CNTRL: variants seen among roughly 807,000 people sequenced by gnomAD.
CNTRL encodes 110 kDa centrosomal protein.
A neutral mutation model predicts 303.7 loss-of-function variants in CNTRL; 233 were observed. The ratio of observed to expected loss-of-function variants is 0.77; its 90% CI spans 0.69 to 0.86. CNTRL has a LOEUF of 0.86. Among genes scored for constraint, CNTRL ranks in the 40% least tolerant of loss-of-function variants. The probability of loss-of-function intolerance (pLI) is 0.00; values close to 1 mark genes in which losing one functional copy is unlikely to be tolerated. For missense variants in CNTRL, 2,524 were observed against 2,650.6 expected, an observed-to-expected ratio of 0.95 and a Z score of 1.05; for synonymous variants, 900 against 922.2, an observed-to-expected ratio of 0.98 and a Z score of 0.44.
At chr9:121,095,999 G>T (rs2048875880) in intron 5 of CNTRL, among the ~76,000 whole-genome samples, 1 of 152,072 alleles carries the variant, frequency 6.6e-6, no homozygotes, top group Non-Finnish European at 1.5e-5. Context: ...TATCCTGCTG[G>T]CATAGCTAAT....
At chr9:121,163,899 C>T (rs2052973599) in intron 34 of CNTRL, among the ~76,000 whole-genome samples, 1 of 146,000 alleles carries the variant, frequency 6.8e-6, no homozygotes, top group Non-Finnish European at 1.5e-5. Context: ...GAGCCTCGCT[C>T]TGTTGCCCAG....
chr9:121,154,770 G>C lies in CNTRL; in HGVS notation c.4222G>C (p.Glu1408Gln). 1.2e-6 allele frequency: 2 copies of C among 1,611,682 alleles called. No individual in the cohort carries two copies. Among genetic ancestry groups the C allele is most frequent in the South Asian group, 1.1e-5 (1 of 90,998 alleles). The change falls in exon 27 of 44, where the codon GAA becomes CAA. Residue 1408 changes from glutamate to glutamine, a missense_variant. Coordinates refer to ENST00000373855, the MANE Select transcript of CNTRL (RefSeq NM_007018.6). ...VESLMTELEI[E>Q]KSLKHHEDIV... is the part of the protein sequence containing the mutation. ...GAGTCTTATGACTGAACTAGAAATA[G>C]AAAAATCACTCAAACATCATGAAGA...
chr9:121,109,786 C>G (rs2049663384), intron 8 of CNTRL, among the ~76,000 whole-genome samples: 1 of 152,086 alleles, frequency 6.6e-6, no homozygotes, highest in East Asian at 1.9e-4. Flanking sequence ...TGAATTTGTA[C>G]ATATGGTAGA....
chr9:121,144,622 A>C (rs752266688), intron 20 of CNTRL, among the ~76,000 whole-genome samples: 1 of 152,206 alleles, frequency 6.6e-6, no homozygotes, highest in Non-Finnish European at 1.5e-5. Flanking sequence ...AAAGTAAAAA[A>C]ATTAGCCTTT....
intron 4 of CNTRL, among the ~76,000 whole-genome samples, chr9:121,091,897 T>C (rs1338690449): frequency 6.9e-6 from 1 of 145,662 alleles, no homozygotes; most frequent in African/African-American, 2.5e-5. Flanking sequence ...TTTTTTTTTT[T>C]TTTTTTTTTG....
chr9:121,091,884 CTTTTTTTTTTTT>C (rs148922615), intron 4 of CNTRL, among the ~76,000 whole-genome samples: 1 of 74,962 alleles, frequency 1.3e-5, no homozygotes, highest in East Asian at 3.4e-4. Flanking sequence ...GAGGTCTTCT[CTTTTTTTTTTTT>C]TTTTTTTTTT....
At chr9:121,089,843 T>C (rs1310279366) in intron 3 of CNTRL, among the ~76,000 whole-genome samples, 1 of 152,098 alleles carries the variant, frequency 6.6e-6, no homozygotes, top group Admixed American at 6.5e-5. Context: ...TTTTAGTAAG[T>C]GATGATATTA....
Position 121,152,578 on chromosome 9 carries a change from G to A in CNTRL, c.4057G>A (p.Glu1353Lys). ...GATGAGAGCATCCAAGCGGCAGTCG[G>A]AGAAAGAAATGGAAGAACTGCATCA... is the stretch of plus-strand genomic sequence containing the variant. Reference protein sequence around the residue: ...RWMRASKRQSEKEMEELHHNI... With the variant: ...RWMRASKRQSKKEMEELHHNI... Residue 1353 changes from glutamate (E) to lysine (K), a missense_variant, in exon 26 of 44, where the codon GAG (glutamate) becomes AAG (lysine). Coordinates refer to ENST00000373855, the MANE Select transcript of CNTRL (RefSeq NM_007018.6). 1.9e-6 allele frequency: 3 copies of A among 1,614,112 alleles called. No individual in the cohort carries two copies. The highest frequency in any genetic ancestry group is 2.5e-6 in the Non-Finnish European group (3 of 1,179,988).
rs1291788166 is a variant in CNTRL at position 121,143,414 on chromosome 9, G to A, written c.2872-489G>A. Among the ~76,000 whole-genome samples, 3 of 152,152 alleles carry A rather than the reference G, an allele frequency of 2.0e-5. No individual in the cohort carries two copies. The East Asian group carries it at 5.8e-4, about 29-fold the overall frequency. On this transcript the variant is annotated intron_variant, in intron 19 of 43. Transcript: ENST00000373855. Reference sequence around the variant, plus strand: ...CCAGAGCAGCCAAGATGCTCTTTCTGAAATGTCAAGTGGCTGTAATCAGTC... The same window carrying A: ...CCAGAGCAGCCAAGATGCTCTTTCTAAAATGTCAAGTGGCTGTAATCAGTC...
Position 121,113,727 on chromosome 9 carries a change from T to C in CNTRL, c.1345+3T>C. ...CAAAGAAAAAAAAATAAGTGCAGGT[T>C]AAAAAAAGTTATTTTAAATTCTTTA... On this transcript the variant is annotated splice_donor_region_variant and intron_variant, in intron 10 of 43. Transcript: ENST00000373855. The C allele has an allele frequency of 6.7e-7, 1 of 1,501,108 alleles. No homozygotes were observed. The highest frequency in any genetic ancestry group is 1.4e-5 in the South Asian group (1 of 74,024). The allele number at this position is 1,501,108 out of a possible 1,614,324, so 93.0% of individuals were successfully genotyped here. A position where few individuals can be genotyped will look rare whatever the true frequency, so the allele number is the denominator to read the frequency against.
chr9:121,125,880 G>C lies in CNTRL; in HGVS notation c.1969G>C (p.Glu657Gln), dbSNP rs370195351. ...ETLLQRLTEVEQERDQLEIVA... is the reference protein window; with the variant it reads ...ETLLQRLTEVQQERDQLEIVA... ...ATTGTTGCAGAGATTGACAGAAGTC[G>C]AGCAGGAGAGAGACCAGCTGGAAAT... The change falls in exon 14 of 44, where the codon GAG (glutamate) becomes CAG (glutamine). Residue 657 changes from glutamate to glutamine, a missense_variant. By Grantham distance (29) the Glu-to-Gln change is conservative. Coordinates refer to ENST00000373855, the MANE Select transcript of CNTRL (RefSeq NM_007018.6). 7 of 1,614,092 alleles carry C rather than the reference G, an allele frequency of 4.3e-6. No individual in the cohort carries two copies. The highest frequency in any genetic ancestry group is 1.7e-5 in the Admixed American group (1 of 60,010).
In CNTRL at chr9:121,164,982, A is replaced by G. The variant is rs1394063791; in HGVS notation, c.5463A>G (p.Gln1821=). The G allele has an allele frequency of 6.2e-7, 1 of 1,613,046 alleles. No homozygotes were observed. The highest frequency in any genetic ancestry group is 1.7e-5 in the Admixed American group (1 of 59,732). ...CAGAAGAAAATAGCAAAATGGAGCA[A>G]TCAAACTTAGAAAAGTTGGAATTGA... ...AAAEENSKME[Q]SNLEKLELNV... The change falls in exon 35 of 44, where the codon CAA becomes CAG. Residue 1821 remains glutamine (Q), a synonymous_variant. Transcript: ENST00000373855.
Position 121,090,155 on chromosome 9 carries a change from A to G in CNTRL, c.218-120A>G. ...TAAAACATTATGATTAGAAATAGCC[A>G]GCTTTTTTGGTATATTCATGGCTTA... On this transcript the variant is annotated intron_variant, in intron 3 of 43. Coordinates refer to ENST00000373855, the MANE Select transcript of CNTRL (RefSeq NM_007018.6). 5.0e-6 allele frequency: 3 copies of G among 601,302 alleles called. No individual in the cohort carries two copies. In the South Asian group the frequency reaches 9.7e-5, roughly 20 times the overall value. The allele number at this position is 601,302 out of a possible 1,614,324, so 37.2% of individuals were successfully genotyped here. A position where few individuals can be genotyped will look rare whatever the true frequency, so the allele number is the denominator to read the frequency against.
chr9:121,097,423 G>T (rs1254070898), intron 6 of CNTRL, among the ~76,000 whole-genome samples: 1 of 152,080 alleles, frequency 6.6e-6, no homozygotes, highest in Non-Finnish European at 1.5e-5. Context: ...CAGATGAAAT[G>T]ATAGATGTGA....
intron 10 of CNTRL, among the ~76,000 whole-genome samples, chr9:121,114,014 G>A (rs1002512084): frequency 3.3e-5 from 5 of 152,142 alleles, no homozygotes; most frequent in African/African-American, 9.7e-5. Context: ...CTATATATTC[G>A]AAGTCACAAT....
chr9:121,081,347 A>G (rs1308862834), intron 2 of CNTRL, among the ~76,000 whole-genome samples: 2 of 152,344 alleles, frequency 1.3e-5, no homozygotes, highest in East Asian at 1.9e-4. Flanking sequence ...TTGTTGCCCC[A>G]TACACCAGAT....
chr9:121,162,393 A>C, intron 34 of CNTRL, 122 bp downstream of exon 34: 1 of 805,200 alleles, frequency 1.2e-6, no homozygotes, highest in Non-Finnish European at 2.1e-6. Context: ...TGGTATCATA[A>C]TACATTTTGC....
rs574397814 is a variant in CNTRL at position 121,103,575 on chromosome 9, T to C, written c.809-4227T>C. Among the ~76,000 whole-genome samples, 4 of 152,294 alleles carry C rather than the reference T, an allele frequency of 2.6e-5. No homozygotes were observed. In the South Asian group the frequency reaches 8.3e-4, roughly 32 times the overall value. ...GGATCTAATTAAACTAAAGAGCTTCTGCACAGCAAAAGAAACTACCATCAG... is the reference window on the plus strand; with the variant it reads ...GGATCTAATTAAACTAAAGAGCTTCCGCACAGCAAAAGAAACTACCATCAG... On this transcript the variant is annotated intron_variant, in intron 7 of 43. Transcript: ENST00000373855.
At chr9:121,161,290 A>G in intron 32 of CNTRL, 1 of 442,326 alleles carries the variant, frequency 2.3e-6, no homozygotes, top group Non-Finnish European at 4.2e-6. Context: ...CAGCTTTTCT[A>G]CAGTAAGCAA....
Sources: allele counts gnomAD v4.1 joint callset (sites outside exome capture counted in the v4.1 genomes callset), GRCh38; gene constraint gnomAD v4.1.1; transcripts MANE v1.5; gene names NCBI Gene and HGNC (gene_info 2026-07-23, HGNC 2026-07-21).